CLEC16A: variants seen among roughly 807,000 people sequenced by gnomAD.
The protein encoded by CLEC16A is C-type lectin domain containing 16A.
Under a neutral mutation model 109.5 loss-of-function variants are expected in CLEC16A, and 51 were observed. The ratio of observed to expected loss-of-function variants is 0.47; its 90% CI spans 0.37 to 0.59. The LOEUF is 0.59. CLEC16A is among the 20% of genes least tolerant of loss of function. The pLI is 0.00. For missense variants in CLEC16A, 1,339 were observed against 1,394.0 expected (o/e 0.96, Z 0.63); for synonymous variants, 673 against 564.2 (o/e 1.19, Z -2.73).
chr16:10,974,457 A>G (rs972111716), intron 7 of CLEC16A, among the ~76,000 whole-genome samples: 1 of 152,194 alleles, frequency 6.6e-6, no homozygotes, highest in Non-Finnish European at 1.5e-5. Context: ...ACTGGGCACC[A>G]TTGTTGGGGG....
intron 11 of CLEC16A, among the ~76,000 whole-genome samples, chr16:11,006,707 TTTG>T (rs1238352940): frequency 2.6e-5 from 4 of 152,038 alleles, no homozygotes; most frequent in South Asian, 2.1e-4. Flanking sequence ...TGTGTATTGT[TTTG>T]TTGTTGTTGT....
chr16:11,034,590 C>G (rs1351631373), intron 13 of CLEC16A, among the ~76,000 whole-genome samples: 1 of 152,096 alleles, frequency 6.6e-6, no homozygotes, highest in African/African-American at 2.4e-5. Flanking sequence ...CACCCCTGTC[C>G]ACGGGTGGAC....
At chr16:11,097,456 G>C (rs963174948) in intron 19 of CLEC16A, among the ~76,000 whole-genome samples, 3 of 152,292 alleles carry the variant, frequency 2.0e-5, no homozygotes, top group Non-Finnish European at 4.4e-5. Flanking sequence ...TGATGCATCA[G>C]AAATATTTTT....
chr16:11,166,632 C>G (rs888402865), intron 23 of CLEC16A, 80 bp downstream of exon 23: 3 of 1,373,826 alleles, frequency 2.2e-6, no homozygotes, highest in Non-Finnish European at 1.9e-6. Flanking sequence ...CCCCTGACCT[C>G]CAGGTCCTCC....
intron 22 of CLEC16A, among the ~76,000 whole-genome samples, chr16:11,128,340 G>C (rs910500471): frequency 2.0e-5 from 3 of 152,210 alleles, no homozygotes; most frequent in African/African-American, 7.2e-5. Flanking sequence ...AACATCAAAT[G>C]CCAGGAGTGT....
At chr16:11,134,371 A>T (rs11640227) in intron 22 of CLEC16A, among the ~76,000 whole-genome samples, 1 of 151,780 alleles carries the variant, frequency 6.6e-6, no homozygotes, top group African/African-American at 2.4e-5. Context: ...TTATATGCAC[A>T]AATTCTATCC....
At chr16:11,075,030 G>A (rs2049271848) in intron 19 of CLEC16A, among the ~76,000 whole-genome samples, 1 of 152,146 alleles carries the variant, frequency 6.6e-6, no homozygotes, top group African/African-American at 2.4e-5. Flanking sequence ...TTAAAAATTA[G>A]CAGTGAGTAA....
In CLEC16A at chr16:11,123,908, G is replaced by A. The variant is rs771251015; in HGVS notation, c.2435G>A (p.Arg812His). 4 of 1,613,394 alleles carry A rather than the reference G, an allele frequency of 2.5e-6. No individual in the cohort carries two copies. The highest frequency in any genetic ancestry group is 1.1e-5 in the South Asian group (1 of 90,992). ...GCCAAGCAGCGCCTGGCCAAAGGCC[G>A]CATCCAGGCAAGGCGCATGAAGATG... ...IIAKQRLAKG[R>H]IQARRMKMQR... The change falls in exon 21 of 24, where the codon CGC becomes CAC. Residue 812 changes from arginine to histidine, a missense_variant. Around this residue, in one of 3 missense-constraint regions of CLEC16A, gnomAD observed 1,061 missense variants for 1,006.8 expected, o/e 1.05. Coordinates refer to ENST00000409790, the MANE Select transcript of CLEC16A (RefSeq NM_015226.3).
chr16:11,122,628 C>T (rs2153029863), intron 20 of CLEC16A, among the ~76,000 whole-genome samples: 1 of 152,276 alleles, frequency 6.6e-6, no homozygotes, highest in Middle Eastern at 3.4e-3. Context: ...AAATGTAGTG[C>T]CTGAGAACCA....
intron 1 of CLEC16A, among the ~76,000 whole-genome samples, chr16:10,948,559 ATCT>A (rs373150988): frequency 3.2e-4 from 49 of 152,318 alleles, no homozygotes; most frequent in East Asian, 1.7e-3. Flanking sequence ...CTGAAACATC[ATCT>A]TTACCAGGGA....
intron 21 of CLEC16A, among the ~76,000 whole-genome samples, chr16:11,124,888 G>C (rs1039843150): frequency 1.3e-5 from 2 of 152,126 alleles, no homozygotes; most frequent in South Asian, 2.1e-4. Context: ...GGAATTCGAG[G>C]CCAGCCTGGG....
rs45464291 is a variant in CLEC16A at position 11,003,298 on chromosome 16, G to A, written c.1296G>A (p.Glu432=). 3,111 of 1,610,498 alleles carry A rather than the reference G, an allele frequency of 1.9e-3. 7 individuals are homozygous for A. Among genetic ancestry groups the A allele is most frequent in the Non-Finnish European group, 2.4e-3 (2,783 of 1,178,532 alleles). The change falls in exon 11 of 24, where the codon GAG becomes GAA. Residue 432 remains glutamate, a synonymous_variant. Transcript: ENST00000409790. ...GGSKGIKTSG[E]SEEIEMVIME... ...CAAAAGGCATCAAGACGAGTGGGGA[G>A]AGTGAAGGTGAGTGTCCCCATGAAC...
intron 18 of CLEC16A, among the ~76,000 whole-genome samples, chr16:11,058,765 G>C (rs2048336112): frequency 6.6e-6 from 1 of 152,188 alleles, no homozygotes; most frequent in Non-Finnish European, 1.5e-5. Context: ...GCTGCAGAAA[G>C]CCACACGTTT....
chr16:11,061,154 T>G, intron 19 of CLEC16A, 132 bp downstream of exon 19: 1 of 1,089,272 alleles, frequency 9.2e-7, no homozygotes, highest in Non-Finnish European at 1.2e-6. Flanking sequence ...AGCTGTGACC[T>G]TGAGCCAGCG....
intron 23 of CLEC16A, among the ~76,000 whole-genome samples, chr16:11,168,225 G>T: frequency 6.6e-6 from 1 of 152,218 alleles, no homozygotes; most frequent in Admixed American, 6.5e-5. Flanking sequence ...GGTGTCTGCA[G>T]TGTGTGCTAG....
chr16:11,135,084 G>T (rs1040880914), intron 22 of CLEC16A, among the ~76,000 whole-genome samples: 11 of 152,192 alleles, frequency 7.2e-5, no homozygotes, highest in Admixed American at 2.6e-4. Context: ...AAAAGCAGAA[G>T]GATGACTTCA....
intron 13 of CLEC16A, among the ~76,000 whole-genome samples, chr16:11,038,253 T>C (rs2047132115): frequency 6.6e-6 from 1 of 152,214 alleles, no homozygotes; most frequent in African/African-American, 2.4e-5. Flanking sequence ...TCCACTATTT[T>C]GTCAAGGTTC....
intron 10 of CLEC16A, among the ~76,000 whole-genome samples, chr16:10,999,505 A>G (rs948714589): frequency 6.6e-6 from 1 of 152,166 alleles, no homozygotes; most frequent in Non-Finnish European, 1.5e-5. Flanking sequence ...GCATCAGTTT[A>G]TTTAGGAATA....
At chr16:11,127,418 T>C (rs2052901282) in intron 22 of CLEC16A, among the ~76,000 whole-genome samples, 1 of 152,232 alleles carries the variant, frequency 6.6e-6, no homozygotes, top group African/African-American at 2.4e-5. Flanking sequence ...TGTGTAATTG[T>C]GCAAATTTCT....
Sources: gnomAD v4.1 joint callset for allele counts (sites outside exome capture counted in the v4.1 genomes callset) on GRCh38, gnomAD v4.1.1 for gene constraint, gnomAD v4.1.1 regional missense constraint, MANE v1.5 for transcripts, NCBI Gene and HGNC (gene_info 2026-07-23, HGNC 2026-07-21) for gene names.